IWS1: variants seen among roughly 807,000 people sequenced by gnomAD.
IWS1 encodes the protein protein IWS1 homolog.
In IWS1, 27 loss-of-function variants were observed where a neutral mutation model predicts 86.7. That is an observed-to-expected ratio of 0.31 (90% CI 0.23 to 0.43). IWS1 has a LOEUF of 0.43. Among genes scored for constraint, IWS1 ranks in the 20% least tolerant of loss-of-function variants. IWS1 has a pLI of 1.00. For synonymous variants in IWS1, 313 were observed against 335.1 expected (o/e 0.93, Z 0.72); for missense variants, 827 against 1,000.8 (o/e 0.83, Z 2.34).
chr2:127,495,858 T>A (rs1421218482), intron 7 of IWS1, 140 bp downstream of exon 7: 2 of 743,446 alleles, frequency 2.7e-6, no homozygotes, highest in African/African-American at 3.6e-5. Flanking sequence ...ATTTCCATGA[T>A]TAAAATTGAG....
intron 1 of IWS1, among the ~76,000 whole-genome samples, chr2:127,525,812 C>T (rs1361262498): frequency 2.6e-5 from 4 of 152,210 alleles, no homozygotes. Context: ...AGTGAAAAGT[C>T]TAGGAAGGAT....
chr2:127,483,625 CGTGT>C (rs1558736988), intron 13 of IWS1, among the ~76,000 whole-genome samples: 42 of 44,904 alleles, frequency 9.4e-4, no homozygotes, highest in South Asian at 8.3e-3. Flanking sequence ...TGTGTGTGTG[CGTGT>C]GCGTGTGTGT....
At chr2:127,512,379 G>A (rs1363820287) in intron 2 of IWS1, among the ~76,000 whole-genome samples, 1 of 152,168 alleles carries the variant, frequency 6.6e-6, no homozygotes. Context: ...TTATTAAAAA[G>A]TTACATTTCC....
intron 2 of IWS1, among the ~76,000 whole-genome samples, chr2:127,506,067 T>C (rs940860772): frequency 6.6e-6 from 1 of 152,200 alleles, no homozygotes; most frequent in Non-Finnish European, 1.5e-5. Flanking sequence ...AATTTTCTCA[T>C]ACATACTTCT....
intron 1 of IWS1, among the ~76,000 whole-genome samples, chr2:127,525,356 T>C (rs1558776402): frequency 3.3e-5 from 5 of 152,338 alleles, no homozygotes; most frequent in South Asian, 2.1e-4. Flanking sequence ...CTCAAAACAG[T>C]AAAGGGCTTA....
rs1301979786 is a variant in IWS1, at chr2:127,480,919, T to C, written c.*125A>G. 2 of 1,040,612 alleles carry C rather than the reference T, an allele frequency of 1.9e-6. No individual in the cohort carries two copies. The highest frequency in any genetic ancestry group is 2.8e-6 in the Non-Finnish European group (2 of 724,980). The allele number at this position is 1,040,612 out of a possible 1,614,324, so 64.5% of individuals were successfully genotyped here. On this transcript the variant is annotated 3_prime_UTR_variant, in exon 14 of 14. Coordinates refer to ENST00000295321, the MANE Select transcript of IWS1 (RefSeq NM_017969.3). ...ATAACTGAGAGAAATGTGAGTCCTATGACAACATCTGATACACGCTGAACC... is the reference window on the plus strand; with the variant it reads ...ATAACTGAGAGAAATGTGAGTCCTACGACAACATCTGATACACGCTGAACC...
upstream of IWS1, chr2:127,526,587 A>G (rs1264583913): frequency 7.2e-7 from 1 of 1,379,880 alleles, no homozygotes; most frequent in Non-Finnish European, 9.6e-7. Context: ...ACGGCCGGAA[A>G]GGAGACTCCT....
At chr2:127,507,268 G>GA (rs887720461) in intron 2 of IWS1, among the ~76,000 whole-genome samples, 1 of 152,032 alleles carries the variant, frequency 6.6e-6, no homozygotes, top group African/African-American at 2.4e-5. Context: ...AAAAGAATAT[G>GA]AAAAATTATA....
chr2:127,508,888 G>T (rs1346129942), intron 2 of IWS1, among the ~76,000 whole-genome samples: 2 of 152,126 alleles, frequency 1.3e-5, no homozygotes, highest in Non-Finnish European at 2.9e-5. Context: ...AGAGACACTG[G>T]GCAGTCATCC....
intron 12 of IWS1, among the ~76,000 whole-genome samples, chr2:127,487,202 G>T (rs558828787): frequency 4.0e-5 from 6 of 151,840 alleles, no homozygotes; most frequent in African/African-American, 1.5e-4. Context: ...AAAAATGATA[G>T]AGAGAGAGAT....
At chr2:127,508,313 A>G (rs895386913) in intron 2 of IWS1, among the ~76,000 whole-genome samples, 1 of 151,490 alleles carries the variant, frequency 6.6e-6, no homozygotes, top group Non-Finnish European at 1.5e-5. Flanking sequence ...ATGATATTTC[A>G]AAAGTGTACT....
rs547741969 is a variant in IWS1, at chr2:127,504,873, T to C, written c.1030A>G (p.Met344Val). The C allele has an allele frequency of 1.1e-5, 17 of 1,614,224 alleles. No individual in the cohort carries two copies. The East Asian group carries it at 3.1e-4, about 30-fold the overall frequency. Residue 344 changes from methionine to valine, a missense_variant, in exon 3 of 14, where the codon ATG becomes GTG. Physicochemically the swap from Met to Val is conservative, Grantham distance 21 (BLOSUM62 1). Coordinates refer to ENST00000295321, the MANE Select transcript of IWS1 (RefSeq NM_017969.3). Reference protein sequence around the residue: ...DRENKGEDTEMQNDSFHSDSH... With the variant: ...DRENKGEDTEVQNDSFHSDSH... Reference sequence around the variant, plus strand: ...TCTGAATGGAAGGAGTCATTCTGCATTTCTGTATCCTCTCCCTTATTCTCC... The same window carrying C: ...TCTGAATGGAAGGAGTCATTCTGCACTTCTGTATCCTCTCCCTTATTCTCC...
intron 13 of IWS1, among the ~76,000 whole-genome samples, chr2:127,483,578 GGGGGT>G: frequency 1.8e-5 from 1 of 55,022 alleles, no homozygotes; most frequent in African/African-American, 6.9e-5. Context: ...GGTCGGGGCG[GGGGGT>G]GGTGGGGTGG....
chr2:127,495,262 A>AATTCTGGTTTAT (rs1455369488), intron 7 of IWS1, among the ~76,000 whole-genome samples: 1 of 152,174 alleles, frequency 6.6e-6, no homozygotes, highest in Admixed American at 6.5e-5. Flanking sequence ...AAAACTGGGA[A>AATTCTGGTTTAT]ATTCTGGTTT....
At chr2:127,507,252 A>T (rs1274471536) in intron 2 of IWS1, among the ~76,000 whole-genome samples, 1 of 152,240 alleles carries the variant, frequency 6.6e-6, no homozygotes, top group Non-Finnish European at 1.5e-5. Flanking sequence ...TGTGTCTACA[A>T]ATTCAAAAAG....
chr2:127,497,423 C>T (rs1454009961), intron 6 of IWS1, among the ~76,000 whole-genome samples: 1 of 152,154 alleles, frequency 6.6e-6, no homozygotes, highest in Non-Finnish European at 1.5e-5. Context: ...TGCTGCTTTT[C>T]AGTGATAGGA....
intron 13 of IWS1, among the ~76,000 whole-genome samples, chr2:127,483,758 T>A (rs12475191): frequency 6.6e-6 from 1 of 151,398 alleles, no homozygotes; most frequent in East Asian, 1.9e-4. Flanking sequence ...CCCTCCCAAG[T>A]AGCTAGGACT....
Position 127,481,093 on chromosome 2 carries a change from G to C in IWS1, c.2411C>G (p.Ser804Cys). 3 of 1,612,512 alleles carry C rather than the reference G, an allele frequency of 1.9e-6. No individual in the cohort carries two copies. Among genetic ancestry groups the C allele is most frequent in the Admixed American group, 3.3e-5 (2 of 59,704 alleles). The change falls in exon 14 of 14, where the codon TCT becomes TGT. Residue 804 changes from serine to cysteine, a missense_variant. Around this residue, in one of 2 missense-constraint regions of IWS1, gnomAD observed 279 missense variants for 440.6 expected, o/e 0.63. Transcript: ENST00000295321. ...AATGCTGATTTTCACTGCGTGTGCA[G>C]ATCTGCTTTTTTTCCTTATATCTGT... Reference protein sequence around the residue: ...KFTDIRKKSRSAHAVKISIEG... With the variant: ...KFTDIRKKSRCAHAVKISIEG...
intron 13 of IWS1, chr2:127,482,913 A>G (rs572241727): frequency 2.0e-5 from 3 of 152,360 alleles, no homozygotes; most frequent in Admixed American, 2.0e-4. Flanking sequence ...ATTATGGTAC[A>G]ACTGTGTGAA....
Sources: gnomAD v4.1 joint callset for allele counts (sites outside exome capture counted in the v4.1 genomes callset) on GRCh38, gnomAD v4.1.1 for gene constraint, gnomAD v4.1.1 regional missense constraint, MANE v1.5 for transcripts, NCBI Gene and HGNC (gene_info 2026-07-23, HGNC 2026-07-21) for gene names.